Variants in PIGS observed in about 807,000 individuals in gnomAD.
PIGS encodes the protein GPI-anchor transamidase component PIGS.
Under a neutral mutation model 58.2 loss-of-function variants are expected in PIGS, and 37 were observed. The observed-to-expected ratio is 0.64, with a 90% CI of 0.49 to 0.84. The LOEUF (loss-of-function observed/expected upper bound fraction) is 0.84. Ranked by LOEUF, PIGS falls within the 40% of genes least tolerant of loss-of-function variation. PIGS has a pLI of 0.00. For missense variants in PIGS, 629 were observed against 710.8 expected (o/e 0.88, Z 1.31); for synonymous variants, 269 against 289.2 (o/e 0.93, Z 0.71).
intron 5 of PIGS, 23 bp downstream of exon 5, chr17:28,563,408 T>G (rs1776844898): frequency 2.5e-6 from 4 of 1,596,272 alleles, no homozygotes; most frequent in Non-Finnish European, 2.6e-6. Flanking sequence ...TAAGGCAAAG[T>G]CGCAGCCTCT....
chr17:28,562,992 A>T (rs1597585670), intron 5 of PIGS, among the ~76,000 whole-genome samples: 2 of 152,180 alleles, frequency 1.3e-5, no homozygotes, highest in East Asian at 3.9e-4. Context: ...GAGCCACCAG[A>T]CCCAGCCAGC....
chr17:28,569,961 C>T (rs2151514919), intron 3 of PIGS, among the ~76,000 whole-genome samples: 1 of 152,346 alleles, frequency 6.6e-6, no homozygotes, highest in African/African-American at 2.4e-5. Context: ...CCTTTTCCCA[C>T]TTAACCTGAA....
At position 28,556,910 on chromosome 17, in the gene PIGS, G is replaced by A; in HGVS notation, c.997C>T (p.His333Tyr). Residue 333 changes from histidine to tyrosine, a missense_variant, in exon 9 of 12, where the codon CAC becomes TAC. Coordinates refer to ENST00000308360, the MANE Select transcript of PIGS (RefSeq NM_033198.4). ...TTGTCCTGAATGTACAGCGGTGAGT[G>A]TGCAAGCTCAGGCACGTAGAGTAGA... ...NFLLYVPELAHSPLYIQDKDG... is the reference protein window; with the variant it reads ...NFLLYVPELAYSPLYIQDKDG... 6.2e-7 allele frequency: 1 copy of A among 1,614,200 alleles called. No individual in the cohort carries two copies. Among genetic ancestry groups the A allele is most frequent in the Non-Finnish European group, 8.5e-7 (1 of 1,180,034 alleles).
At chr17:28,555,584 T>C (rs944252841) in intron 10 of PIGS, 6 of 167,872 alleles carry the variant, frequency 3.6e-5, no homozygotes, top group African/African-American at 1.2e-4. Flanking sequence ...CCACTCTCAA[T>C]CCATCAGGCA....
At chr17:28,558,153 A>G (rs1029843548) in intron 8 of PIGS, among the ~76,000 whole-genome samples, 1 of 152,162 alleles carries the variant, frequency 6.6e-6, no homozygotes, top group African/African-American at 2.4e-5. Context: ...AAAAATTTTG[A>G]AAATTAGCCA....
chr17:28,556,404 T>TAG (rs1320486012), intron 9 of PIGS, 138 bp from the exon 10 acceptor site: 40 of 738,214 alleles, frequency 5.4e-5, no homozygotes, highest in Non-Finnish European at 9.5e-5. Context: ...TAATATTTTT[T>TAG]GAGTACCTAC....
chr17:28,571,262 C>T (rs1428976746), intron 1 of PIGS, 74 bp from the exon 2 acceptor site: 4 of 1,563,180 alleles, frequency 2.6e-6, no homozygotes, highest in South Asian at 2.4e-5. Context: ...CGCGGAGAAG[C>T]CCCAACCACC....
intron 11 of PIGS, 103 bp from the exon 12 acceptor site, chr17:28,554,598 G>A (rs1463545685): frequency 1.4e-6 from 2 of 1,402,072 alleles, no homozygotes; most frequent in Non-Finnish European, 9.8e-7. Context: ...GAAGATGCCT[G>A]GAGTTCATCC....
rs760882075 is a variant in PIGS at position 28,560,161 on chromosome 17, G to A, written c.707C>T (p.Pro236Leu). 5.0e-6 allele frequency: 8 copies of A among 1,612,408 alleles called. No individual in the cohort carries two copies. In the Admixed American group the frequency reaches 1.2e-4, roughly 24 times the overall value. ...GTAGACATCATGGGACTTGGGGTCT[G>A]GGTTGAGTAAACTGAAGGTGATCTC... Reference protein sequence around the residue: ...GYEITFSLLNPDPKSHDVYWD... With the variant: ...GYEITFSLLNLDPKSHDVYWD... The change falls in exon 7 of 12, where the codon CCA becomes CTA. Residue 236 changes from proline to leucine, a missense_variant. Transcript: ENST00000308360.
intron 3 of PIGS, among the ~76,000 whole-genome samples, chr17:28,565,432 C>T (rs995334492): frequency 6.6e-6 from 1 of 151,980 alleles, no homozygotes; most frequent in Non-Finnish European, 1.5e-5. Context: ...GTCAACTCTC[C>T]CCAAATTAAT....
Position 28,560,185 on chromosome 17 carries a change from T to G in PIGS, c.683A>C (p.Glu228Ala). 6.2e-7 allele frequency: 1 copy of G among 1,611,084 alleles called. No individual in the cohort carries two copies. Among genetic ancestry groups the G allele is most frequent in the Non-Finnish European group, 8.5e-7 (1 of 1,178,948 alleles). ...RRPLKSSLGYEITFSLLNPDP... is the reference protein window; with the variant it reads ...RRPLKSSLGYAITFSLLNPDP... Reference sequence around the variant, plus strand: ...TGGGTTGAGTAAACTGAAGGTGATCTCATAGCCTACAGAAACAGGAGTCAG... The same window carrying G: ...TGGGTTGAGTAAACTGAAGGTGATCGCATAGCCTACAGAAACAGGAGTCAG... The change falls in exon 7 of 12, where the codon GAG (glutamate) becomes GCG (alanine). Residue 228 changes from glutamate to alanine, a missense_variant. By Grantham distance (107) the Glu-to-Ala change is moderately radical. Coordinates refer to ENST00000308360, the MANE Select transcript of PIGS (RefSeq NM_033198.4).
Position 28,571,179 on chromosome 17 carries a change from C to T in PIGS, c.44G>A (p.Arg15Gln). 3.1e-6 allele frequency: 5 copies of T among 1,613,042 alleles called. No individual in the cohort carries two copies. The South Asian group carries it at 4.4e-5, about 14-fold the overall frequency. The change falls in exon 2 of 12, where the codon CGG becomes CAG. Residue 15 changes from arginine (R) to glutamine (Q), a missense_variant. Physicochemically the swap from Arg to Gln is conservative, Grantham distance 43. Coordinates refer to ENST00000308360, the MANE Select transcript of PIGS (RefSeq NM_033198.4). The part of the protein sequence containing the change: ...GAAATHLEVA[R>Q]GKRAALFFAA... ...GAAGAAGAGGGCGGCGCGCTTGCCC[C>T]GGGCCACCTCTGAGGGCATGGGGAA... is the stretch of plus-strand genomic sequence containing the variant.
At position 28,563,194 on chromosome 17, in the gene PIGS, G is replaced by C. The variant is rs527505480; in HGVS notation, c.468+237C>G. Among the ~76,000 whole-genome samples, 3 of 152,214 alleles carry C rather than the reference G, an allele frequency of 2.0e-5. No individual in the cohort carries two copies. The East Asian group carries it at 5.8e-4, about 30-fold the overall frequency. On this transcript the variant is annotated intron_variant, in intron 5 of 11. Coordinates refer to ENST00000308360, the MANE Select transcript of PIGS (RefSeq NM_033198.4). ...TGTAATCCCAGGTATTCAGGAGGTT[G>C]AGGCAGGAGAATCACTTGAACCCGG...
Position 28,553,953 on chromosome 17 carries a change from C to G in PIGS, c.*267G>C. ...AGTCCTTGCCACAGAGGGAGACAGG[C>G]AGCAGCCTTATCAAACAAGATAAGG... On this transcript the variant is annotated 3_prime_UTR_variant, in exon 12 of 12. Transcript: ENST00000308360. 2.0e-6 allele frequency: 1 copy of G among 492,864 alleles called. No individual in the cohort carries two copies. Among genetic ancestry groups the G allele is most frequent in the South Asian group, 2.2e-5 (1 of 44,852 alleles). 30.5% of individuals were successfully genotyped at this position (492,864 alleles called of 1,614,324 possible).
At chr17:28,559,449 G>A (rs1042869494) in intron 7 of PIGS, among the ~76,000 whole-genome samples, 4 of 150,986 alleles carry the variant, frequency 2.6e-5, no homozygotes, top group African/African-American at 7.3e-5. Flanking sequence ...CCTGGCCAAC[G>A]TGGTGAAACC....
intron 6 of PIGS, among the ~76,000 whole-genome samples, 178 bp downstream of exon 6, chr17:28,561,238 CAGAGTG>C (rs2070362313): frequency 6.6e-6 from 1 of 151,878 alleles, no homozygotes. Flanking sequence ...GCCCAGGCAA[CAGAGTG>C]AGACTCCGTC....
At position 28,558,490 on chromosome 17, in the gene PIGS, A is replaced by G. The variant is rs376175328; in HGVS notation, c.920T>C (p.Val307Ala). The change falls in exon 8 of 12, where the codon GTG (valine) becomes GCG (alanine). Residue 307 changes from valine (V) to alanine (A), a missense_variant. Coordinates refer to ENST00000308360, the MANE Select transcript of PIGS (RefSeq NM_033198.4). ...TAGGTGCTCACCCAGCCGGGACTCC[A>G]CTGGGTTGATGACATGGGGGAGGCT... ...MHSLPHVINP[V>A]ESRLGSSAAS... 2.5e-6 allele frequency: 4 copies of G among 1,611,902 alleles called. No homozygotes were observed. Among genetic ancestry groups the G allele is most frequent in the Middle Eastern group, 1.7e-4 (1 of 6,058 alleles).
rs774276407 is a variant in PIGS at position 28,568,113 on chromosome 17, C to CT, written c.286+2738dup. On this transcript the variant is annotated intron_variant, in intron 3 of 11. Transcript: ENST00000308360. ...ACATTTGACTTACTTGTCTTTTTTTCTTTTTTTTTTTGAGATGGAGTCTTT... is the reference window on the plus strand; with the variant it reads ...ACATTTGACTTACTTGTCTTTTTTTCTTTTTTTTTTTTGAGATGGAGTCTTT... Among the ~76,000 whole-genome samples the CT allele has an allele frequency of 1.6e-3, 237 of 146,642 alleles. 1 individual carries two copies. The highest frequency in any genetic ancestry group is 2.1e-3 in the Non-Finnish European group (139 of 66,122).
rs150341836 is a variant in PIGS at position 28,558,245 on chromosome 17, G to A, written c.934+231C>T. Among the ~76,000 whole-genome samples the A allele has an allele frequency of 2.2e-3, 337 of 152,346 alleles. 1 individual carries two copies. The highest frequency in any genetic ancestry group is 8.0e-3 in the African/African-American group (334 of 41,582). On this transcript the variant is annotated intron_variant, in intron 8 of 11. Transcript: ENST00000308360. ...CACTTGAGTCCAGGAGTTGGAGGCTGCAGTGAGCTATGACTGTGCCACTGC... is the reference window on the plus strand; with the variant it reads ...CACTTGAGTCCAGGAGTTGGAGGCTACAGTGAGCTATGACTGTGCCACTGC...
Sources: allele counts gnomAD v4.1 joint callset (sites outside exome capture counted in the v4.1 genomes callset), GRCh38; gene constraint gnomAD v4.1.1; transcripts MANE v1.5; gene names NCBI Gene and HGNC (gene_info 2026-07-23, HGNC 2026-07-21).